Variants in SNRPB observed in about 807,000 individuals in gnomAD.
SNRPB encodes small nuclear ribonucleoprotein-associated proteins B and B'.
A neutral mutation model predicts 26.6 loss-of-function variants in SNRPB; 5 were observed. The observed-to-expected ratio is 0.19, with a 90% CI of 0.10 to 0.39. The LOEUF (loss-of-function observed/expected upper bound fraction) is 0.39, where lower values mean the gene tolerates loss of function less well. Ranked by LOEUF, SNRPB falls within the 10% of genes least tolerant of loss-of-function variation. SNRPB has a pLI of 1.00. For synonymous variants in SNRPB, 122 were observed against 105.8 expected (o/e 1.15, Z -0.94); for missense variants, 211 against 311.9 (o/e 0.68, Z 2.44).
chr20:2,462,787 T>C (rs1193004310), intron 5 of SNRPB, 26 bp from the exon 6 acceptor site: 12 of 1,511,858 alleles, frequency 7.9e-6, no homozygotes, highest in Middle Eastern at 1.8e-4. Context: ...CCCAAGAATA[T>C]AGCTCAAGTG....
At position 2,462,589 on chromosome 20, in the gene SNRPB, A is replaced by C. The variant is rs552599417; in HGVS notation, c.685+47T>G. 7.0e-6 allele frequency: 11 copies of C among 1,561,844 alleles called. No homozygotes were observed. In the African/African-American group the frequency reaches 1.5e-4, roughly 21 times the overall value. On this transcript the variant is annotated intron_variant, in intron 6 of 6. Transcript: ENST00000381342. ...CAATCTTCCCTCCATTTCCTATCCC[A>C]CTAGGCTCTAGGGAAAGAAGCCAAA...
intron 3 of SNRPB, among the ~76,000 whole-genome samples, chr20:2,464,495 A>G (rs1056490589): frequency 2.6e-5 from 4 of 152,198 alleles, no homozygotes; most frequent in Admixed American, 2.0e-4. Context: ...AAAAATCTCC[A>G]AAAAAGAAAA....
chr20:2,464,033 C>T, intron 3 of SNRPB, 134 bp from the exon 4 acceptor site: 1 of 736,602 alleles, frequency 1.4e-6, no homozygotes, highest in Non-Finnish European at 2.3e-6. Context: ...TACTACCTCT[C>T]CATGTGTGCC....
chr20:2,469,363 A>T (rs1461825936), intron 1 of SNRPB, among the ~76,000 whole-genome samples: 1 of 152,184 alleles, frequency 6.6e-6, no homozygotes, highest in Non-Finnish European at 1.5e-5. Flanking sequence ...CAATCTTTCT[A>T]AACACCACTA....
chr20:2,461,988 T>C (rs762984376), intron 6 of SNRPB, 49 bp from the exon 7 acceptor site: 77 of 1,400,038 alleles, frequency 5.5e-5, no homozygotes, highest in Non-Finnish European at 7.1e-5. Context: ...GCAACTTGAA[T>C]CCCCAACCCT....
At chr20:2,462,973 T>C (rs1180984288) in intron 5 of SNRPB, 116 bp downstream of exon 5, 1 of 1,112,532 alleles carries the variant, frequency 9.0e-7, no homozygotes, top group Non-Finnish European at 1.3e-6. Flanking sequence ...GATCTCAGAG[T>C]AATCCTGCTT....
chr20:2,470,745 G>C lies in SNRPB; in HGVS notation c.-55C>G. The C allele has an allele frequency of 1.2e-6, 2 of 1,606,948 alleles. No individual in the cohort carries two copies. The highest frequency in any genetic ancestry group is 1.1e-5 in the South Asian group (1 of 90,996). ...CCGGATTCGCCTCCTCAGAGGCCTA[G>C]CCTCTCTCCCACAGCCGATTTCCCG... On this transcript the variant is annotated 5_prime_UTR_variant, in exon 1 of 7. Coordinates refer to ENST00000381342, the MANE Select transcript of SNRPB (RefSeq NM_003091.4).
Position 2,461,746 on chromosome 20 carries a change from C to A in SNRPB, c.*183G>T. On this transcript the variant is annotated 3_prime_UTR_variant, in exon 7 of 7. Transcript: ENST00000381342. ...AAACAGGCAGGGAGCTGAGGAGGGC[C>A]AAGATGAGTCTAGGGCCTTGGTGGG... 6.3e-7 allele frequency: 1 copy of A among 1,587,786 alleles called. No individual in the cohort carries two copies. Among genetic ancestry groups the A allele is most frequent in the Non-Finnish European group, 8.6e-7 (1 of 1,166,932 alleles).
In SNRPB at chr20:2,470,727, C is replaced by G. The variant is rs141463720; in HGVS notation, c.-37G>C. ...TGATGGCTCTGATACCCGCCGGATT[C>G]GCCTCCTCAGAGGCCTAGCCTCTCT... is the stretch of plus-strand genomic sequence containing the variant. On this transcript the variant is annotated 5_prime_UTR_variant, in exon 1 of 7. Transcript: ENST00000381342. 24 of 1,611,892 alleles carry G rather than the reference C, an allele frequency of 1.5e-5. No individual in the cohort carries two copies. In the South Asian group the frequency reaches 2.3e-4, roughly 15 times the overall value.
At chr20:2,470,132 G>A (rs1189443332) in intron 1 of SNRPB, among the ~76,000 whole-genome samples, 1 of 152,212 alleles carries the variant, frequency 6.6e-6, no homozygotes, top group Non-Finnish European at 1.5e-5. Flanking sequence ...CGCCTGAGAA[G>A]TCAGGCACAG....
intron 2 of SNRPB, among the ~76,000 whole-genome samples, chr20:2,466,380 A>T (rs1407961652): frequency 6.6e-6 from 1 of 152,226 alleles, no homozygotes; most frequent in Non-Finnish European, 1.5e-5. Context: ...AAAAGCATAA[A>T]AACAGAAACC....
At chr20:2,466,656 T>C (rs893307774) in intron 2 of SNRPB, among the ~76,000 whole-genome samples, 2 of 152,216 alleles carry the variant, frequency 1.3e-5, no homozygotes, top group Non-Finnish European at 2.9e-5. Flanking sequence ...TGTATTGTCC[T>C]TTCATAATTA....
chr20:2,463,183 AGCTGCAGCG>A lies in SNRPB; in HGVS notation c.456_464del (p.Ala155_Ala157del). On this transcript the variant is annotated inframe_deletion, in exon 5 of 7. Transcript: ENST00000381342. This position sits in a 1 kb window ranked among gnomAD's most constrained non-coding sequence, Gnocchi z 5.0. Reference sequence around the variant, plus strand: ...CCCCGGCAATACTGGCTGTGGCAGCAGCTGCAGCGGCTGCAACAGTACCTCTTCCTTGTG... The same window carrying A: ...CCCCGGCAATACTGGCTGTGGCAGCAGCTGCAACAGTACCTCTTCCTTGTG... 4 of 1,608,302 alleles carry A rather than the reference AGCTGCAGCG, an allele frequency of 2.5e-6. No homozygotes were observed. The highest frequency in any genetic ancestry group is 3.4e-6 in the Non-Finnish European group (4 of 1,174,928).
rs769349964 is a variant in SNRPB at position 2,461,909 on chromosome 20, C to T, written c.*20G>A. 6.2e-7 allele frequency: 1 copy of T among 1,613,474 alleles called. No homozygotes were observed. Among genetic ancestry groups the T allele is most frequent in the African/African-American group, 1.3e-5 (1 of 74,892 alleles). ...AGCCCACGCCTCTGCGGAGCTACTT[C>T]CATACTCTGTGGCCAAGGGTCAAAG... is the stretch of plus-strand genomic sequence containing the variant. On this transcript the variant is annotated 3_prime_UTR_variant, in exon 7 of 7. Coordinates refer to ENST00000381342, the MANE Select transcript of SNRPB (RefSeq NM_003091.4).
chr20:2,466,477 AAAAGCT>A (rs1170640336), intron 2 of SNRPB, among the ~76,000 whole-genome samples: 1 of 152,222 alleles, frequency 6.6e-6, no homozygotes, highest in East Asian at 1.9e-4. Flanking sequence ...AAGTGGGGAA[AAAAGCT>A]AAAGCTAGAT....
chr20:2,466,289 C>T (rs908283265), intron 2 of SNRPB, among the ~76,000 whole-genome samples: 27 of 152,130 alleles, frequency 1.8e-4, no homozygotes, highest in African/African-American at 6.5e-4. Context: ...CATCTTACAT[C>T]AGAAATAGGA....
intron 3 of SNRPB, among the ~76,000 whole-genome samples, chr20:2,465,025 G>A (rs2085062847): frequency 6.6e-6 from 1 of 152,196 alleles, no homozygotes; most frequent in African/African-American, 2.4e-5. Flanking sequence ...TCACCACTTA[G>A]TGGCTGTGGC....
Position 2,463,253 on chromosome 20 carries a change from T to C in SNRPB, c.421-26A>G, listed in dbSNP as rs763535486. 5 of 1,595,322 alleles carry C rather than the reference T, an allele frequency of 3.1e-6. No homozygotes were observed. The highest frequency in any genetic ancestry group is 4.3e-6 in the Non-Finnish European group (5 of 1,163,258). The stretch of plus-strand genomic sequence containing the variant: ...CTAAGAGGACATAAGAAGAAAGAGT[T>C]AGAAGAGTACAGTACAATGCAGCTT... On this transcript the variant is annotated intron_variant, in intron 4 of 6. Transcript: ENST00000381342. The surrounding 1 kb of genome is among the most constrained non-coding windows in gnomAD (Gnocchi z 5.0).
At position 2,470,715 on chromosome 20, in the gene SNRPB, A is replaced by G. The variant is rs879134460; in HGVS notation, c.-25T>C. The G allele has an allele frequency of 6.2e-7, 1 of 1,608,892 alleles. No individual in the cohort carries two copies. Among genetic ancestry groups the G allele is most frequent in the African/African-American group, 1.3e-5 (1 of 74,842 alleles). ...TGGTGGCGGTTCTGATGGCTCTGAT[A>G]CCCGCCGGATTCGCCTCCTCAGAGG... is the stretch of plus-strand genomic sequence containing the variant. On this transcript the variant is annotated 5_prime_UTR_variant, in exon 1 of 7. Coordinates refer to ENST00000381342, the MANE Select transcript of SNRPB (RefSeq NM_003091.4).
Sources: allele counts gnomAD v4.1 joint callset (sites outside exome capture counted in the v4.1 genomes callset), GRCh38; gene constraint gnomAD v4.1.1; non-coding constraint Gnocchi (gnomAD v3.1); transcripts MANE v1.5; gene names NCBI Gene and HGNC (gene_info 2026-07-23, HGNC 2026-07-21).